The following FSIP2 variants were observed in gnomAD, a reference collection of about 807,000 sequenced individuals.
FSIP2 encodes the protein fibrous sheath-interacting protein 2.
Under a neutral mutation model 510.5 loss-of-function variants are expected in FSIP2, and 367 were observed. The observed-to-expected ratio is 0.72, with a 90% confidence interval of 0.66 to 0.78. FSIP2 has a LOEUF of 0.78. Among genes scored for constraint, FSIP2 ranks in the 30% least tolerant of loss-of-function variants. The probability of loss-of-function intolerance (pLI) is 0.00; values close to 1 mark genes in which losing one functional copy is unlikely to be tolerated. For synonymous variants in FSIP2, 2,601 were observed against 2,732.2 expected (o/e 0.95, Z 1.50); for missense variants, 7,594 against 7,901.7 (o/e 0.96, Z 1.48).
At chr2:185,821,641 A>AGGCCAGGC (rs1693921614) in intron 19 of FSIP2, among the ~76,000 whole-genome samples, 1 of 151,786 alleles carries the variant, frequency 6.6e-6, no homozygotes, top group Admixed American at 6.6e-5. Flanking sequence ...ATCAATCAAT[A>AGGCCAGGC]GGCCAGGCAC....
Position 185,783,174 on chromosome 2 carries a change from C to A in FSIP2, c.1469+412C>A, listed in dbSNP as rs142735200. 6.9e-3 allele frequency among the ~76,000 whole-genome samples: 1,047 copies of A among 152,110 alleles called. 17 individuals carry two copies. The highest frequency in any genetic ancestry group is 0.024 in the African/African-American group (1,014 of 41,484). On this transcript the variant is annotated intron_variant, in intron 14 of 22. Transcript: ENST00000424728. Reference sequence around the variant, plus strand: ...AGTATAAATGACTTAATCGGTTATTCCCCCACCCCAAAGGCTATTTTGCAG... The same window carrying A: ...AGTATAAATGACTTAATCGGTTATTACCCCACCCCAAAGGCTATTTTGCAG...
At position 185,800,807 on chromosome 2, in the gene FSIP2, T is replaced by G; in HGVS notation, c.11501T>G (p.Leu3834Trp). 1 of 1,534,442 alleles carries G rather than the reference T, an allele frequency of 6.5e-7. No homozygotes were observed. The highest frequency in any genetic ancestry group is 8.7e-7 in the Non-Finnish European group (1 of 1,145,666). ...ENVAEIDQDL[L>W]TSDSMLTIIS... is the part of the protein sequence containing the mutation. The stretch of plus-strand genomic sequence containing the variant: ...GTGGCAGAAATTGATCAAGACTTAT[T>G]GACATCAGACTCTATGCTTACTATT... Residue 3834 changes from leucine to tryptophan, a missense_variant, in exon 17 of 23, where the codon TTG becomes TGG. Transcript: ENST00000424728.
intron 20 of FSIP2, among the ~76,000 whole-genome samples, chr2:185,824,936 A>G (rs1693989617): frequency 1.3e-5 from 2 of 151,562 alleles, no homozygotes; most frequent in Admixed American, 1.3e-4. Flanking sequence ...TGTTTATTCA[A>G]TCTCTAATAG....
In FSIP2 at chr2:185,803,940, G is replaced by A; in HGVS notation, c.14634G>A (p.Gln4878=). 6.6e-7 allele frequency: 1 copy of A among 1,511,962 alleles called. No homozygotes were observed. Among genetic ancestry groups the A allele is most frequent in the African/African-American group, 1.4e-5 (1 of 71,974 alleles). The allele number at this position is 1,511,962 out of a possible 1,614,324, so 93.7% of individuals were successfully genotyped here. ...YADLSHSNIY[Q]SITKDKKSIS... is the part of the protein sequence containing the mutation. ...ATCTTTCTCATTCAAATATATACCAGTCCATTACAAAAGATAAAAAGAGCA... is the reference window on the plus strand; with the variant it reads ...ATCTTTCTCATTCAAATATATACCAATCCATTACAAAAGATAAAAAGAGCA... The change falls in exon 17 of 23, where the codon CAG becomes CAA. Residue 4878 remains glutamine, a synonymous_variant. Transcript: ENST00000424728.
intron 19 of FSIP2, among the ~76,000 whole-genome samples, chr2:185,819,454 C>A (rs918530227): frequency 6.6e-6 from 1 of 151,784 alleles, no homozygotes; most frequent in Non-Finnish European, 1.5e-5. Flanking sequence ...AAGATATTCA[C>A]TTTAGATCTA....
chr2:185,808,854 A>T lies in FSIP2; in HGVS notation c.19548A>T (p.Glu6516Asp). Residue 6516 changes from glutamate to aspartate, a missense_variant, in exon 17 of 23, where the codon GAA becomes GAT. Physicochemically the swap from Glu to Asp is conservative, Grantham distance 45. Transcript: ENST00000424728. ...TAGATCAAAATTTATCTGAAGAGGA[A>T]TCTCCAATTAAAATAGTTCCACATG... Reference protein sequence around the residue: ...EKLDQNLSEEESPIKIVPHVG... With the variant: ...EKLDQNLSEEDSPIKIVPHVG... 1 of 1,611,864 alleles carries T rather than the reference A, an allele frequency of 6.2e-7. No individual in the cohort carries two copies. Among genetic ancestry groups the T allele is most frequent in the Non-Finnish European group, 8.5e-7 (1 of 1,179,120 alleles).
At position 185,808,325 on chromosome 2, in the gene FSIP2, G is replaced by T; in HGVS notation, c.19019G>T (p.Gly6340Val). ...KSKEKSSSRK[G>V]LTLDAKLLEE... ...AAGGAAAAGTCTTCATCCAGAAAAG[G>T]TTTGACATTAGATGCCAAACTTTTA... Residue 6340 changes from glycine (G) to valine (V), a missense_variant, in exon 17 of 23, where the codon GGT (glycine) becomes GTT (valine). Gly to Val is a moderately radical substitution (Grantham distance 109). Coordinates refer to ENST00000424728, the MANE Select transcript of FSIP2 (RefSeq NM_173651.4). 1.9e-6 allele frequency: 3 copies of T among 1,610,168 alleles called. No homozygotes were observed. In the South Asian group the frequency reaches 3.3e-5, roughly 18 times the overall value.
rs543059259 is a variant in FSIP2 at position 185,762,582 on chromosome 2, C to T, written c.1240+565C>T. On this transcript the variant is annotated intron_variant, in intron 11 of 22. Coordinates refer to ENST00000424728, the MANE Select transcript of FSIP2 (RefSeq NM_173651.4). ...TCATCTTCCTGACCCTTTTATTTCACCCAGGCACAAAACCTAAGTTGCCTT... is the reference window on the plus strand; with the variant it reads ...TCATCTTCCTGACCCTTTTATTTCATCCAGGCACAAAACCTAAGTTGCCTT... Among the ~76,000 whole-genome samples the T allele has an allele frequency of 4.6e-5, 7 of 151,514 alleles. 1 individual carries two copies. The highest frequency in any genetic ancestry group is 1.7e-4 in the African/African-American group (7 of 41,476).
chr2:185,775,526 G>C (rs1014726308), intron 13 of FSIP2, among the ~76,000 whole-genome samples: 5 of 151,892 alleles, frequency 3.3e-5, no homozygotes, highest in African/African-American at 1.2e-4. Flanking sequence ...CATTTTGTAG[G>C]TTGCCTGTTC....
intron 9 of FSIP2, among the ~76,000 whole-genome samples, chr2:185,757,801 T>C (rs1291323079): frequency 6.6e-6 from 1 of 151,320 alleles, no homozygotes; most frequent in Non-Finnish European, 1.5e-5. Flanking sequence ...ATTTTGGTTT[T>C]TAGATTACCC....
At position 185,804,104 on chromosome 2, in the gene FSIP2, A is replaced by G; in HGVS notation, c.14798A>G (p.Asp4933Gly). ...CAAACTTATAAATTGAAAGCAATAG[A>G]TCCTAAACAAAGAGAATTATCTTTT... Reference protein sequence around the residue: ...VDQTYKLKAIDPKQRELSFIV... With the variant: ...VDQTYKLKAIGPKQRELSFIV... Residue 4933 changes from aspartate (D) to glycine (G), a missense_variant, in exon 17 of 23, where the codon GAT (aspartate) becomes GGT (glycine). Coordinates refer to ENST00000424728, the MANE Select transcript of FSIP2 (RefSeq NM_173651.4). 1.3e-6 allele frequency: 2 copies of G among 1,526,596 alleles called. No homozygotes were observed. The highest frequency in any genetic ancestry group is 1.8e-6 in the Non-Finnish European group (2 of 1,142,594). 94.6% of individuals were successfully genotyped at this position (1,526,596 alleles called of 1,614,324 possible). A position where few individuals can be genotyped will look rare whatever the true frequency, so the allele number is the denominator to read the frequency against.
At chr2:185,820,045 A>G (rs1693886281) in intron 19 of FSIP2, among the ~76,000 whole-genome samples, 1 of 151,938 alleles carries the variant, frequency 6.6e-6, no homozygotes, top group African/African-American at 2.4e-5. Flanking sequence ...AAAATTGGGA[A>G]ATAGAGGATG....
intron 22 of FSIP2, among the ~76,000 whole-genome samples, chr2:185,832,243 T>C (rs1262169547): frequency 2.6e-5 from 4 of 151,936 alleles, no homozygotes; most frequent in African/African-American, 9.7e-5. Flanking sequence ...CCCAATCTCA[T>C]GCAACATCAT....
At position 185,789,140 on chromosome 2, in the gene FSIP2, T is replaced by G; in HGVS notation, c.2004T>G (p.Asp668Glu). 6.5e-7 allele frequency: 1 copy of G among 1,535,038 alleles called. No homozygotes were observed. The highest frequency in any genetic ancestry group is 8.7e-7 in the Non-Finnish European group (1 of 1,146,040). Residue 668 changes from aspartate (D) to glutamate (E), a missense_variant, in exon 16 of 23, where the codon GAT (aspartate) becomes GAG (glutamate). Transcript: ENST00000424728. ...KKSKDATTET[D>E]SLGSSLHCDK... Reference sequence around the variant, plus strand: ...CTAAGGATGCTACCACTGAAACAGATAGCTTAGGGAGTTCATTGCATTGTG... The same window carrying G: ...CTAAGGATGCTACCACTGAAACAGAGAGCTTAGGGAGTTCATTGCATTGTG...
At position 185,802,645 on chromosome 2, in the gene FSIP2, A is replaced by G; in HGVS notation, c.13339A>G (p.Ile4447Val). 1 of 1,533,704 alleles carries G rather than the reference A, an allele frequency of 6.5e-7. No homozygotes were observed. Among genetic ancestry groups the G allele is most frequent in the Non-Finnish European group, 8.7e-7 (1 of 1,145,294 alleles). Residue 4447 changes from isoleucine (I) to valine (V), a missense_variant, in exon 17 of 23, where the codon ATC becomes GTC. Coordinates refer to ENST00000424728, the MANE Select transcript of FSIP2 (RefSeq NM_173651.4). ...TATTGTTCAGGACATCCTTAGTAAC[A>G]TCAGTAAATCTACTGAGCCAAGCCA... ...ENIVQDILSN[I>V]SKSTEPSQSV...
At chr2:185,822,483 C>T (rs1693941140) in intron 19 of FSIP2, among the ~76,000 whole-genome samples, 1 of 151,796 alleles carries the variant, frequency 6.6e-6, no homozygotes, top group Non-Finnish European at 1.5e-5. Flanking sequence ...GAATAAAATA[C>T]TTAGGAATAC....
At chr2:185,759,339 T>C (rs1692304171) in intron 9 of FSIP2, among the ~76,000 whole-genome samples, 2 of 149,180 alleles carry the variant, frequency 1.3e-5, no homozygotes. Flanking sequence ...ATGAATCAAA[T>C]TACTTTTGAT....
At chr2:185,778,001 T>C (rs555184173) in intron 13 of FSIP2, among the ~76,000 whole-genome samples, 2 of 152,230 alleles carry the variant, frequency 1.3e-5, no homozygotes, top group Non-Finnish European at 2.9e-5. Flanking sequence ...GAGAAAAAAC[T>C]AAATTATGAA....
In FSIP2 at chr2:185,797,542, C is replaced by T. The variant is rs984281052; in HGVS notation, c.10390+16C>T. On this transcript the variant is annotated intron_variant, in intron 16 of 22. Transcript: ENST00000424728. ...GAAACTACAGGTAAGCAAGAGAGAA[C>T]GTACCTAAAAATTTGCATGATTTAG... The T allele has an allele frequency of 1.2e-5, 18 of 1,477,856 alleles. No homozygotes were observed. Among genetic ancestry groups the T allele is most frequent in the East Asian group, 5.0e-5 (2 of 40,250 alleles). 91.5% of individuals were successfully genotyped at this position (1,477,856 alleles called of 1,614,324 possible).
Sources: gnomAD v4.1 joint callset for allele counts (sites outside exome capture counted in the v4.1 genomes callset) on GRCh38, gnomAD v4.1.1 for gene constraint, MANE v1.5 for transcripts, NCBI Gene and HGNC (gene_info 2026-07-23, HGNC 2026-07-21) for gene names.